AFF4: variants seen among roughly 807,000 people sequenced by gnomAD.
The protein encoded by AFF4 is ALF transcription elongation factor 4.
Under a neutral mutation model 124.8 loss-of-function variants are expected in AFF4, and 13 were observed. The observed-to-expected ratio is 0.10, with a 90% CI of 0.07 to 0.17. The LOEUF is 0.17. Ranked by LOEUF, AFF4 falls within the 10% of genes least tolerant of loss-of-function variation. The probability of loss-of-function intolerance (pLI) is 1.00; values close to 1 mark genes in which losing one functional copy is unlikely to be tolerated. For synonymous variants in AFF4, 477 were observed against 496.1 expected (o/e 0.96, Z 0.51); for missense variants, 1,092 against 1,403.8 (o/e 0.78, Z 3.55).
intron 5 of AFF4, among the ~76,000 whole-genome samples, chr5:132,908,459 A>G (rs1348706164): frequency 6.6e-6 from 1 of 152,014 alleles, no homozygotes; most frequent in Non-Finnish European, 1.5e-5. Flanking sequence ...AGTCCTATAC[A>G]TTAATTATGT....
rs368373216 is a variant in AFF4 at position 132,934,385 on chromosome 5, G to T, written c.680C>A (p.Pro227His). Residue 227 changes from proline (P) to histidine (H), a missense_variant, in exon 3 of 21, where the codon CCT (proline) becomes CAT (histidine). By Grantham distance (77) the Pro-to-His change is moderately conservative. Coordinates refer to ENST00000265343, the MANE Select transcript of AFF4 (RefSeq NM_014423.4). ...DANWDSPSRV[P>H]FSSGQHSTQS... The stretch of plus-strand genomic sequence containing the variant: ...AGTTGAGTGCTGCCCACTTGAAAAA[G>T]GTACACGGGAAGGAGAATCCCAGTT... 2.1e-5 allele frequency: 34 copies of T among 1,614,012 alleles called. 1 individual carries two copies. The highest frequency in any genetic ancestry group is 2.0e-4 in the African/African-American group (15 of 74,902).
At chr5:132,925,490 G>C (rs1761150163) in intron 5 of AFF4, among the ~76,000 whole-genome samples, 1 of 151,924 alleles carries the variant, frequency 6.6e-6, no homozygotes, top group South Asian at 2.1e-4. Context: ...AAAAAGACAA[G>C]AATCTAACTG....
Position 132,892,210 on chromosome 5 carries a change from T to G in AFF4, c.2591A>C (p.Gln864Pro). The change falls in exon 13 of 21, where the codon CAG becomes CCG. Residue 864 changes from glutamine to proline, a missense_variant. Around this residue, in one of 11 missense-constraint regions of AFF4, gnomAD observed 293 missense variants for 280.2 expected, o/e 1.05. Coordinates refer to ENST00000265343, the MANE Select transcript of AFF4 (RefSeq NM_014423.4). Reference protein sequence around the residue: ...SSKNSSSTSKQKKTEGKTSSS... With the variant: ...SSKNSSSTSKPKKTEGKTSSS... ...GGAAGTCTTCCCTTCGGTCTTCTTC[T>G]GCTTTGATGTGGAGGAACTGTTTTT... 1 of 1,614,160 alleles carries G rather than the reference T, an allele frequency of 6.2e-7. No individual in the cohort carries two copies. Among genetic ancestry groups the G allele is most frequent in the South Asian group, 1.1e-5 (1 of 91,080 alleles).
chr5:132,931,275 A>G (rs908419458), intron 4 of AFF4, among the ~76,000 whole-genome samples: 4 of 151,758 alleles, frequency 2.6e-5, no homozygotes, highest in African/African-American at 7.3e-5. Flanking sequence ...CTAAAAATAC[A>G]AAAATTAGCT....
At chr5:132,918,535 G>A (rs1038962654) in intron 5 of AFF4, among the ~76,000 whole-genome samples, 2 of 151,942 alleles carry the variant, frequency 1.3e-5, no homozygotes, top group Non-Finnish European at 2.9e-5. Flanking sequence ...CATGGTGGGC[G>A]CCTGTAATCC....
intron 1 of AFF4, among the ~76,000 whole-genome samples, chr5:132,961,102 G>A (rs1212117273): frequency 6.6e-6 from 1 of 152,106 alleles, no homozygotes; most frequent in East Asian, 1.9e-4. Flanking sequence ...GTGTGTACCT[G>A]CAATCCCAAC....
At chr5:132,908,866 G>A (rs1027448135) in intron 5 of AFF4, among the ~76,000 whole-genome samples, 1 of 149,766 alleles carries the variant, frequency 6.7e-6, no homozygotes, top group Admixed American at 6.7e-5. Flanking sequence ...CAGCTCCCAG[G>A]TTCAAGCGAT....
rs1337830696 is a variant in AFF4 at position 132,877,598 on chromosome 5, G to C, written c.*3461C>G. ...GTTGCATACCCTTACACCTAGAAGA[G>C]TGCACAGTGTACTCCTCCTCTATAT... is the stretch of plus-strand genomic sequence containing the variant. On this transcript the variant is annotated 3_prime_UTR_variant, in exon 21 of 21. Transcript: ENST00000265343. The C allele has an allele frequency of 4.8e-6, 1 of 209,186 alleles. No individual in the cohort carries two copies. Among genetic ancestry groups the C allele is most frequent in the Non-Finnish European group, 9.7e-6 (1 of 102,734 alleles). The allele number at this position is 209,186 out of a possible 1,614,324, so 13.0% of individuals were successfully genotyped here. A position where few individuals can be genotyped will look rare whatever the true frequency, so the allele number is the denominator to read the frequency against.
intron 7 of AFF4, among the ~76,000 whole-genome samples, chr5:132,900,299 G>A (rs1284444296): frequency 3.3e-5 from 5 of 152,326 alleles, no homozygotes; most frequent in Non-Finnish European, 7.4e-5. Flanking sequence ...GCTCATGCCT[G>A]TAATCCCACT....
intron 5 of AFF4, among the ~76,000 whole-genome samples, chr5:132,907,554 T>TA (rs1371108567): frequency 6.6e-6 from 1 of 152,092 alleles, no homozygotes; most frequent in East Asian, 1.9e-4. Flanking sequence ...GAAGGGCAAA[T>TA]ACACATAATT....
At chr5:132,953,055 C>T (rs1761880795) in intron 1 of AFF4, among the ~76,000 whole-genome samples, 1 of 151,894 alleles carries the variant, frequency 6.6e-6, no homozygotes, top group Admixed American at 6.6e-5. Context: ...CAGGGCTAGG[C>T]ACTACCATGC....
rs535485128 is a variant in AFF4 at position 132,937,897 on chromosome 5, G to A, written c.-4-704C>T. 6.6e-5 allele frequency among the ~76,000 whole-genome samples: 10 copies of A among 152,316 alleles called. No homozygotes were observed. The East Asian group carries it at 1.7e-3, about 26-fold the overall frequency. On this transcript the variant is annotated intron_variant, in intron 1 of 20. Coordinates refer to ENST00000265343, the MANE Select transcript of AFF4 (RefSeq NM_014423.4). Reference sequence around the variant, plus strand: ...AAAAAGGAAGTCTTTGGAGTGAGGGGAAAATGGAAGTCCCATCTCTATAAT... The same window carrying A: ...AAAAAGGAAGTCTTTGGAGTGAGGGAAAAATGGAAGTCCCATCTCTATAAT...
rs1012557016 is a variant in AFF4, at chr5:132,876,722, GTTCT to G, written c.*4333_*4336del. 3 of 197,070 alleles carry G rather than the reference GTTCT, an allele frequency of 1.5e-5. No homozygotes were observed. Among genetic ancestry groups the G allele is most frequent in the South Asian group, 1.9e-4 (1 of 5,190 alleles). The allele number at this position is 197,070 out of a possible 1,614,324, so 12.2% of individuals were successfully genotyped here. On this transcript the variant is annotated 3_prime_UTR_variant, in exon 21 of 21. Coordinates refer to ENST00000265343, the MANE Select transcript of AFF4 (RefSeq NM_014423.4). Reference sequence around the variant, plus strand: ...CCATTCCCTTTTCTGGAGACAGCAAGTTCTTTCTAATTAACCATAGGGTTCATGT... The same window carrying G: ...CCATTCCCTTTTCTGGAGACAGCAAGTTCTAATTAACCATAGGGTTCATGT...
At chr5:132,948,031 C>T (rs1019318485) in intron 1 of AFF4, among the ~76,000 whole-genome samples, 2 of 152,132 alleles carry the variant, frequency 1.3e-5, no homozygotes, top group African/African-American at 4.8e-5. Context: ...ATTCTCAACT[C>T]GTCCCTCAAA....
chr5:132,943,790 T>C lies in AFF4; in HGVS notation c.-4-6597A>G, dbSNP rs533633263. On this transcript the variant is annotated intron_variant, in intron 1 of 20. Coordinates refer to ENST00000265343, the MANE Select transcript of AFF4 (RefSeq NM_014423.4). Reference sequence around the variant, plus strand: ...GGCTTCACTGCTCAGGTGATTATCCTGAACCACCCAGTCCAAATCAGTGCT... The same window carrying C: ...GGCTTCACTGCTCAGGTGATTATCCCGAACCACCCAGTCCAAATCAGTGCT... The C allele has an allele frequency of 1.8e-4, 50 of 277,708 alleles. No individual in the cohort carries two copies. The East Asian group carries it at 3.4e-3, about 19-fold the overall frequency. The allele number at this position is 277,708 out of a possible 1,614,324, so 17.2% of individuals were successfully genotyped here. A position where few individuals can be genotyped will look rare whatever the true frequency, so the allele number is the denominator to read the frequency against.
At chr5:132,955,474 A>G (rs1024012234) in intron 1 of AFF4, among the ~76,000 whole-genome samples, 4 of 152,106 alleles carry the variant, frequency 2.6e-5, no homozygotes, top group African/African-American at 9.7e-5. Context: ...TGTACTACAT[A>G]ATAGCGTACA....
chr5:132,940,264 C>T (rs561814376), intron 1 of AFF4, among the ~76,000 whole-genome samples: 144 of 151,660 alleles, frequency 9.5e-4, no homozygotes, highest in Non-Finnish European at 1.9e-3. Context: ...ATTTGGGTGG[C>T]GGAGGCGGGC....
intron 1 of AFF4, chr5:132,942,987 A>C (rs1182217704): frequency 2.3e-5 from 5 of 215,364 alleles, no homozygotes; most frequent in African/African-American, 1.2e-4. Flanking sequence ...GATAAACTGA[A>C]AGCTGAGTGT....
At chr5:132,908,776 A>ATTTTTTT (rs386405007) in intron 5 of AFF4, among the ~76,000 whole-genome samples, 2 of 114,894 alleles carry the variant, frequency 1.7e-5, no homozygotes, top group African/African-American at 3.0e-5. Flanking sequence ...ATATATATAT[A>ATTTTTTT]TTTTTTTTTT....
Sources: allele counts gnomAD v4.1 joint callset (sites outside exome capture counted in the v4.1 genomes callset), GRCh38; gene constraint gnomAD v4.1.1; regional missense constraint gnomAD v4.1.1; transcripts MANE v1.5; gene names NCBI Gene and HGNC (gene_info 2026-07-23, HGNC 2026-07-21).